TAOK3: variants seen among roughly 807,000 people sequenced by gnomAD.
TAOK3 encodes TAO kinase 3.
Under a neutral mutation model 120.4 loss-of-function variants are expected in TAOK3, and 40 were observed. The observed-to-expected ratio is 0.33, with a 90% CI of 0.26 to 0.43. The LOEUF (loss-of-function observed/expected upper bound fraction) is 0.43. Ranked by LOEUF, TAOK3 falls within the 20% of genes least tolerant of loss-of-function variation. The probability of loss-of-function intolerance (pLI) is 1.00; values close to 1 mark genes in which losing one functional copy is unlikely to be tolerated. For synonymous variants in TAOK3, 355 were observed against 387.5 expected (o/e 0.92, Z 0.99); for missense variants, 821 against 1,112.1 (o/e 0.74, Z 3.72).
At chr12:118,157,193 T>C (rs2034894865) in intron 19 of TAOK3, among the ~76,000 whole-genome samples, 1 of 152,142 alleles carries the variant, frequency 6.6e-6, no homozygotes, top group South Asian at 2.1e-4. Flanking sequence ...CTAGTCTGGC[T>C]ACCACTCCCT....
At chr12:118,354,432 GA>G (rs2045309513) in intron 1 of TAOK3, among the ~76,000 whole-genome samples, 1 of 152,148 alleles carries the variant, frequency 6.6e-6, no homozygotes, top group South Asian at 2.1e-4. Context: ...GTCAGCAGGA[GA>G]TTTCATCACA....
At chr12:118,271,396 G>C (rs2041693483) in intron 1 of TAOK3, among the ~76,000 whole-genome samples, 1 of 152,036 alleles carries the variant, frequency 6.6e-6, no homozygotes, top group African/African-American at 2.4e-5. Flanking sequence ...CATCTTTATA[G>C]ATTTCCTTGT....
chr12:118,246,052 A>T (rs2040477981), intron 3 of TAOK3: 1 of 873,120 alleles, frequency 1.1e-6, no homozygotes, highest in Non-Finnish European at 1.7e-6. Flanking sequence ...AAAAATTATA[A>T]AAGAATTGCT....
chr12:118,362,482 A>G (rs1158985862), intron 1 of TAOK3, among the ~76,000 whole-genome samples: 1 of 152,098 alleles, frequency 6.6e-6, no homozygotes, highest in Non-Finnish European at 1.5e-5. Context: ...TATAAGACAA[A>G]CAAGCAAAAA....
At chr12:118,370,954 A>G (rs1386435256) in intron 1 of TAOK3, among the ~76,000 whole-genome samples, 1 of 152,222 alleles carries the variant, frequency 6.6e-6, no homozygotes, top group East Asian at 1.9e-4. Flanking sequence ...TAAGAAATCT[A>G]ATTGGAAAGA....
intron 9 of TAOK3, among the ~76,000 whole-genome samples, chr12:118,217,817 A>G (rs371770537): frequency 0.45 from 9,789 of 21,680 alleles, 1,287 homozygotes; most frequent in South Asian, 0.47. Context: ...GTGTGTATAC[A>G]TATATATATA....
At position 118,199,084 on chromosome 12, in the gene TAOK3, T is replaced by G. The variant is rs147120155; in HGVS notation, c.1161A>C (p.Thr387=). 6.2e-7 allele frequency: 1 copy of G among 1,614,168 alleles called. No individual in the cohort carries two copies. The highest frequency in any genetic ancestry group is 8.5e-7 in the Non-Finnish European group (1 of 1,180,022). ...ELVMMHDDES[T]INSSSSVVHK... is the part of the protein sequence containing the mutation. ...GCACGACGGAGGAGCTGGAATTGAT[T>G]GTGCTTTCGTCATCGTGCATCATGA... is the stretch of plus-strand genomic sequence containing the variant. Residue 387 remains threonine, a synonymous_variant, in exon 13 of 21, where the codon ACA becomes ACC. Coordinates refer to ENST00000392533, the MANE Select transcript of TAOK3 (RefSeq NM_016281.4).
At chr12:118,210,653 C>T (rs905199755) in intron 11 of TAOK3, among the ~76,000 whole-genome samples, 2 of 152,040 alleles carry the variant, frequency 1.3e-5, no homozygotes, top group Non-Finnish European at 2.9e-5. Context: ...CAGCACCTGT[C>T]AATCTTGATG....
Position 118,199,182 on chromosome 12 carries a change from C to G in TAOK3, c.1063G>C (p.Val355Leu), listed in dbSNP as rs61945174. The G allele has an allele frequency of 1.9e-6, 3 of 1,614,004 alleles. No homozygotes were observed. Among genetic ancestry groups the G allele is most frequent in the Non-Finnish European group, 2.5e-6 (3 of 1,180,008 alleles). The change falls in exon 13 of 21, where the codon GTG becomes CTG. Residue 355 changes from valine (V) to leucine (L), a missense_variant. By Grantham distance (32) the Val-to-Leu change is conservative. Coordinates refer to ENST00000392533, the MANE Select transcript of TAOK3 (RefSeq NM_016281.4). The stretch of plus-strand genomic sequence containing the variant: ...CTGCTGCTCTGGCTGCCTGTGCTCA[C>G]GGACATGCTTGGAATGGAATGGTTG... ...GSNHSIPSMS[V>L]STGSQSSSVN...
intron 1 of TAOK3, among the ~76,000 whole-genome samples, chr12:118,333,126 A>G (rs1326660110): frequency 6.6e-6 from 1 of 152,204 alleles, no homozygotes; most frequent in Non-Finnish European, 1.5e-5. Flanking sequence ...AGTGCTATCA[A>G]CCAACAGGAT....
intron 2 of TAOK3, among the ~76,000 whole-genome samples, chr12:118,261,051 G>A (rs753731782): frequency 2.0e-5 from 3 of 152,174 alleles, no homozygotes; most frequent in Non-Finnish European, 1.5e-5. Flanking sequence ...GGGTTGCATA[G>A]CAGAGGAGAC....
Position 118,244,953 on chromosome 12 carries a change from G to T in TAOK3, c.133C>A (p.His45Asn). Residue 45 changes from histidine to asparagine, a missense_variant, in exon 4 of 21, where the codon CAC becomes AAC. Transcript: ENST00000392533. ...TTAATTGCCACCACCTCACTGGTGT[G>T]AGCATTTGTAGCCTGTGTTAAGAGG... The part of the protein sequence containing the change: ...FGAVYFATNA[H>N]TSEVVAIKKM... 2 of 1,607,550 alleles carry T rather than the reference G, an allele frequency of 1.2e-6. No individual in the cohort carries two copies. The highest frequency in any genetic ancestry group is 2.2e-5 in the South Asian group (2 of 90,938).
At chr12:118,329,023 G>A (rs12315982) in intron 1 of TAOK3, among the ~76,000 whole-genome samples, 11,033 of 152,144 alleles carry the variant, frequency 0.073, 980 homozygotes, top group African/African-American at 0.21. Flanking sequence ...AGCCTGAAAT[G>A]CAGGCAATAA....
chr12:118,191,182 T>C (rs1467400568), intron 13 of TAOK3, among the ~76,000 whole-genome samples: 1 of 152,158 alleles, frequency 6.6e-6, no homozygotes, highest in Admixed American at 6.5e-5. Context: ...AAATTTTACA[T>C]CCAGATTTTT....
At chr12:118,204,542 C>T (rs2038195489) in intron 11 of TAOK3, among the ~76,000 whole-genome samples, 1 of 152,096 alleles carries the variant, frequency 6.6e-6, no homozygotes, top group African/African-American at 2.4e-5. Context: ...AGGTAGAGTC[C>T]TTTTTGAATA....
chr12:118,265,112 C>G (rs1373957579), intron 2 of TAOK3, among the ~76,000 whole-genome samples: 1 of 151,222 alleles, frequency 6.6e-6, no homozygotes, highest in Non-Finnish European at 1.5e-5. Context: ...TATTCTGGGC[C>G]GGGCATGGTG....
Position 118,255,558 on chromosome 12 carries a change from C to A in TAOK3, c.10G>T (p.Gly4Trp). 3.1e-6 allele frequency: 5 copies of A among 1,613,334 alleles called. No individual in the cohort carries two copies. Among genetic ancestry groups the A allele is most frequent in the Non-Finnish European group, 4.2e-6 (5 of 1,179,678 alleles). The change falls in exon 3 of 21, where the codon GGG becomes TGG. Residue 4 changes from glycine (G) to tryptophan (W), a missense_variant. Coordinates refer to ENST00000392533, the MANE Select transcript of TAOK3 (RefSeq NM_016281.4). The part of the protein sequence containing the change: MRK[G>W]VLKDPEIADL... ...GCAATCTCTGGGTCCTTCAGCACCC[C>A]TTTACGCATGATGGCCAGTAGAGCA...
At chr12:118,172,723 T>C in intron 16 of TAOK3, 63 bp from the exon 17 acceptor site, 1 of 1,388,498 alleles carries the variant, frequency 7.2e-7, no homozygotes, top group South Asian at 1.2e-5. Flanking sequence ...AACAGCTTAT[T>C]GCAACTGAAG....
At chr12:118,285,348 T>C (rs1380917524) in intron 1 of TAOK3, among the ~76,000 whole-genome samples, 2 of 140,588 alleles carry the variant, frequency 1.4e-5, no homozygotes, top group African/African-American at 5.4e-5. Flanking sequence ...AGGCCTAATC[T>C]ATTTATTTTA....
Sources: gnomAD v4.1 joint callset for allele counts (sites outside exome capture counted in the v4.1 genomes callset) on GRCh38, gnomAD v4.1.1 for gene constraint, MANE v1.5 for transcripts, NCBI Gene and HGNC (gene_info 2026-07-23, HGNC 2026-07-21) for gene names.